Variants in RELN observed in about 807,000 individuals in gnomAD.
The protein encoded by RELN is reelin.
RELN carries 108 observed loss-of-function variants against 427.6 expected under a neutral mutation model. The observed-to-expected ratio is 0.25, with a 90% CI of 0.22 to 0.30. RELN has a LOEUF of 0.30. Among genes scored for constraint, RELN ranks in the 10% least tolerant of loss-of-function variants. The pLI is 1.00. For missense variants in RELN, 3,715 were observed against 4,302.8 expected (o/e 0.86, Z 3.82); for synonymous variants, 1,524 against 1,513.4 (o/e 1.01, Z -0.16).
At chr7:103,920,676 T>C (rs986997460) in intron 1 of RELN, among the ~76,000 whole-genome samples, 56 of 149,716 alleles carry the variant, frequency 3.7e-4, no homozygotes, top group African/African-American at 1.3e-3. Flanking sequence ...TGGGTTCAAG[T>C]CATTCTCGTG....
At chr7:103,776,422 T>C (rs1791743530) in intron 4 of RELN, 135 bp downstream of exon 4, 1 of 848,644 alleles carries the variant, frequency 1.2e-6, no homozygotes, top group Non-Finnish European at 2.0e-6. Context: ...CTATTAGTGA[T>C]ACGAAGGGTC....
intron 24 of RELN, among the ~76,000 whole-genome samples, chr7:103,596,873 T>C (rs554752467): frequency 6.6e-6 from 1 of 152,366 alleles, no homozygotes; most frequent in Non-Finnish European, 1.5e-5. Flanking sequence ...TCTACATTAC[T>C]GATTCCCAGG....
chr7:103,982,704 G>C lies in RELN; in HGVS notation c.226+6427C>G, dbSNP rs183417812. On this transcript the variant is annotated intron_variant, in intron 1 of 64. Coordinates refer to ENST00000428762, the MANE Select transcript of RELN (RefSeq NM_005045.4). ...AAAGGCAGAGAGAGAGGACTAAGGTGACCTTAGTCCTTATGGTCTACTGTC... is the reference window on the plus strand; with the variant it reads ...AAAGGCAGAGAGAGAGGACTAAGGTCACCTTAGTCCTTATGGTCTACTGTC... Among the ~76,000 whole-genome samples, 450 of 152,212 alleles carry C rather than the reference G, an allele frequency of 3.0e-3. 1 individual carries two copies. Among genetic ancestry groups the C allele is most frequent in the African/African-American group, 0.01 (433 of 41,542 alleles).
At chr7:103,904,690 A>C (rs1260854703) in intron 2 of RELN, among the ~76,000 whole-genome samples, 1 of 152,138 alleles carries the variant, frequency 6.6e-6, no homozygotes, top group Admixed American at 6.6e-5. Flanking sequence ...TGACTTAATT[A>C]CTTTTTAACA....
At chr7:103,651,592 A>G (rs1053239496) in intron 15 of RELN, 69 bp downstream of exon 15, 2 of 1,491,894 alleles carry the variant, frequency 1.3e-6, no homozygotes, top group African/African-American at 1.4e-5. Flanking sequence ...TAATTTCAGG[A>G]TAACTCATTG....
rs374139211 is a variant in RELN at position 103,770,331 on chromosome 7, G to A, written c.544+6226C>T. On this transcript the variant is annotated intron_variant, in intron 4 of 64. Coordinates refer to ENST00000428762, the MANE Select transcript of RELN (RefSeq NM_005045.4). ...AATCTCCTGACTTCGTGATCCACCC[G>A]TCTTGGCCTCCCAAAGTGTTGGGAT... 8.2e-4 allele frequency among the ~76,000 whole-genome samples: 125 copies of A among 152,246 alleles called. 1 individual carries two copies. Among genetic ancestry groups the A allele is most frequent in the South Asian group, 3.9e-3 (19 of 4,828 alleles).
chr7:103,810,877 C>T (rs1415049385), intron 3 of RELN, among the ~76,000 whole-genome samples: 2 of 152,088 alleles, frequency 1.3e-5, no homozygotes, highest in East Asian at 3.9e-4. Flanking sequence ...TGCTTCCAAA[C>T]AAGAAAGGAA....
At chr7:103,801,573 C>T (rs1450907347) in intron 3 of RELN, among the ~76,000 whole-genome samples, 3 of 150,706 alleles carry the variant, frequency 2.0e-5, no homozygotes, top group Non-Finnish European at 4.4e-5. Context: ...CACACTGGGG[C>T]CTGTTGTGGG....
intron 1 of RELN, among the ~76,000 whole-genome samples, chr7:103,978,144 TCA>T (rs1314240702): frequency 6.6e-6 from 1 of 152,208 alleles, no homozygotes; most frequent in Non-Finnish European, 1.5e-5. Flanking sequence ...TATTAACTAG[TCA>T]CCATGTTGTA....
At chr7:103,783,159 TCTTTC>T (rs983601430) in intron 3 of RELN, among the ~76,000 whole-genome samples, 8 of 89,004 alleles carry the variant, frequency 9.0e-5, no homozygotes, top group East Asian at 4.3e-4. Flanking sequence ...CTTTTCTCTT[TCTTTC>T]TTTTTTTTTT....
intron 11 of RELN, among the ~76,000 whole-genome samples, chr7:103,680,432 G>C (rs1212254345): frequency 6.6e-6 from 1 of 152,068 alleles, no homozygotes; most frequent in Admixed American, 6.6e-5. Context: ...GGGAGTAAAT[G>C]AGTCTCTTGT....
intron 49 of RELN, among the ~76,000 whole-genome samples, chr7:103,518,504 A>ATTTTTTTTTTTTTTTT (rs1584258670): frequency 1.4e-4 from 13 of 89,946 alleles, no homozygotes; most frequent in African/African-American, 9.7e-4. Flanking sequence ...AGGTAATTTA[A>ATTTTTTTTTTTTTTTT]GTTTTTTTTT....
chr7:103,505,510 A>G (rs1488902963), intron 51 of RELN, among the ~76,000 whole-genome samples: 1 of 152,226 alleles, frequency 6.6e-6, no homozygotes, highest in African/African-American at 2.4e-5. Flanking sequence ...ACAAACAGAA[A>G]GGAATAGTAT....
rs114176934 is a variant in RELN at position 103,541,342 on chromosome 7, A to T, written c.6672-887T>A. Reference sequence around the variant, plus strand: ...AAATTTCATGTGTAACCCAACACACATACCCACTAATGTATGCATGCCGGA... The same window carrying T: ...AAATTTCATGTGTAACCCAACACACTTACCCACTAATGTATGCATGCCGGA... On this transcript the variant is annotated intron_variant, in intron 43 of 64. Coordinates refer to ENST00000428762, the MANE Select transcript of RELN (RefSeq NM_005045.4). Among the ~76,000 whole-genome samples, 769 of 152,360 alleles carry T rather than the reference A, an allele frequency of 5.0e-3. 9 individuals carry two copies. The highest frequency in any genetic ancestry group is 0.018 in the African/African-American group (730 of 41,586).
At chr7:103,751,486 G>A (rs555714519) in intron 5 of RELN, among the ~76,000 whole-genome samples, 1 of 152,338 alleles carries the variant, frequency 6.6e-6, no homozygotes, top group African/African-American at 2.4e-5. Context: ...ATGCTCAGAC[G>A]CGAAGCCTCA....
chr7:103,938,943 CTTT>C (rs142139940), intron 1 of RELN, among the ~76,000 whole-genome samples: 5 of 146,530 alleles, frequency 3.4e-5, no homozygotes, highest in African/African-American at 1.0e-4. Context: ...GTTTTATAAG[CTTT>C]TTTTTTTTTC....
chr7:103,750,628 A>C lies in RELN; in HGVS notation c.578-1124T>G, dbSNP rs3819467. 1.1e-3 allele frequency among the ~76,000 whole-genome samples: 164 copies of C among 152,288 alleles called. 2 individuals are homozygous for C. The East Asian group carries it at 0.02, about 19-fold the overall frequency. ...ATTTATTCTCAGCTAAAATTGCTGT[A>C]ATCTACTAACCCATTTTTTCTTCTC... is the stretch of plus-strand genomic sequence containing the variant. On this transcript the variant is annotated intron_variant, in intron 5 of 64. Coordinates refer to ENST00000428762, the MANE Select transcript of RELN (RefSeq NM_005045.4).
intron 17 of RELN, among the ~76,000 whole-genome samples, 194 bp from the exon 18 acceptor site, chr7:103,636,662 G>A (rs1241512093): frequency 6.6e-6 from 1 of 152,112 alleles, no homozygotes; most frequent in Non-Finnish European, 1.5e-5. Context: ...GACAAATACA[G>A]TATTTGCACA....
At chr7:103,762,110 C>G (rs1483114227) in intron 4 of RELN, among the ~76,000 whole-genome samples, 1 of 152,060 alleles carries the variant, frequency 6.6e-6, no homozygotes, top group African/African-American at 2.4e-5. Context: ...TAAGTTCTGC[C>G]CATATGAGGT....
Sources: allele counts gnomAD v4.1 joint callset (sites outside exome capture counted in the v4.1 genomes callset), GRCh38; gene constraint gnomAD v4.1.1; transcripts MANE v1.5; gene names NCBI Gene and HGNC (gene_info 2026-07-23, HGNC 2026-07-21).